Variants in TAB2 observed in about 807,000 individuals in gnomAD.
The protein encoded by TAB2 is TGF-beta-activated kinase 1 and MAP3K7-binding protein 2.
A neutral mutation model predicts 65.0 loss-of-function variants in TAB2; 3 were observed. The observed-to-expected ratio is 0.05, with a 90% CI of 0.02 to 0.12. TAB2 has a LOEUF of 0.12. Ranked by LOEUF, TAB2 falls within the 10% of genes least tolerant of loss-of-function variation. The probability of loss-of-function intolerance (pLI) is 1.00; values close to 1 mark genes in which losing one functional copy is unlikely to be tolerated. For missense variants in TAB2, 623 were observed against 840.3 expected, an observed-to-expected ratio of 0.74 and a Z score of 3.20; for synonymous variants, 298 against 285.1, an observed-to-expected ratio of 1.05 and a Z score of -0.46.
At chr6:149,282,127 C>T (rs999362793) in intron 1 of TAB2, among the ~76,000 whole-genome samples, 4 of 151,704 alleles carry the variant, frequency 2.6e-5, no homozygotes, top group Non-Finnish European at 4.4e-5. Flanking sequence ...GATTGCACCA[C>T]TGCACTCCAG....
At chr6:149,241,538 G>T (rs958878613) in intron 1 of TAB2, among the ~76,000 whole-genome samples, 1 of 152,146 alleles carries the variant, frequency 6.6e-6, no homozygotes, top group Non-Finnish European at 1.5e-5. Flanking sequence ...CTTCTTTAAA[G>T]TCTGCTTGCA....
chr6:149,342,553 T>C (rs1446765451), intron 1 of TAB2: 1 of 152,174 alleles, frequency 6.6e-6, no homozygotes, highest in Non-Finnish European at 1.5e-5. Context: ...AGAGACCCAT[T>C]TTCCCTTCAG....
chr6:149,293,947 A>C (rs1163219449), intron 1 of TAB2, among the ~76,000 whole-genome samples: 7 of 152,156 alleles, frequency 4.6e-5, no homozygotes, highest in African/African-American at 1.7e-4. Flanking sequence ...AGTATCAAAC[A>C]CTCAGTAGCA....
intron 1 of TAB2, among the ~76,000 whole-genome samples, chr6:149,343,462 A>T (rs1780193630): frequency 2.7e-5 from 4 of 148,196 alleles, no homozygotes; most frequent in Admixed American, 2.1e-4. Context: ...ACAGAGTGAG[A>T]CTCCGTCTCA....
At chr6:149,308,123 T>C (rs1283409296) in intron 1 of TAB2, among the ~76,000 whole-genome samples, 2 of 152,252 alleles carry the variant, frequency 1.3e-5, no homozygotes, top group African/African-American at 2.4e-5. Context: ...CTTAGTAAGA[T>C]GTATTACGGT....
At chr6:149,334,029 C>G (rs1325023948) in intron 1 of TAB2, among the ~76,000 whole-genome samples, 1 of 152,092 alleles carries the variant, frequency 6.6e-6, no homozygotes, top group Non-Finnish European at 1.5e-5. Context: ...GTCATTTGAC[C>G]TAGTGCCTAG....
At chr6:149,353,244 T>C (rs953216615) in intron 1 of TAB2, among the ~76,000 whole-genome samples, 3 of 152,060 alleles carry the variant, frequency 2.0e-5, no homozygotes, top group African/African-American at 7.2e-5. Flanking sequence ...CTGCTGCTGC[T>C]GCTGGATTGC....
At chr6:149,219,681 C>G (rs1194061253) in intron 1 of TAB2, among the ~76,000 whole-genome samples, 1 of 152,148 alleles carries the variant, frequency 6.6e-6, no homozygotes, top group Non-Finnish European at 1.5e-5. Flanking sequence ...ACCCGCTGCA[C>G]CTTATGCATT....
At chr6:149,392,174 T>C (rs1204782083) in intron 3 of TAB2, among the ~76,000 whole-genome samples, 1 of 151,644 alleles carries the variant, frequency 6.6e-6, no homozygotes, top group African/African-American at 2.4e-5. Flanking sequence ...AGAGTCTCAC[T>C]TTGTCGCCCA....
upstream of TAB2, chr6:149,218,222 A>T (rs1777062880): frequency 6.6e-6 from 1 of 152,246 alleles, no homozygotes; most frequent in Non-Finnish European, 1.5e-5. Context: ...CTTGTTTGAC[A>T]CTACCTAAAA....
chr6:149,377,777 A>G (rs1781453011), intron 2 of TAB2, among the ~76,000 whole-genome samples: 1 of 151,890 alleles, frequency 6.6e-6, no homozygotes, highest in South Asian at 2.1e-4. Context: ...TATCCATTGT[A>G]GCTGCTAAAG....
chr6:149,276,545 T>C lies in TAB2; in HGVS notation c.-121+57769T>C, dbSNP rs1027277380. ...TTCTTAGGGGTCAATAAATCAATTA[T>C]ATATTTTTAAAAATCCTACCTTCAG... is the stretch of plus-strand genomic sequence containing the variant. On this transcript the variant is annotated intron_variant, in intron 1 of 1. Coordinates refer to the TAB2 transcript ENST00000606202. Among the ~76,000 whole-genome samples the C allele has an allele frequency of 3.3e-5, 5 of 152,334 alleles. No individual in the cohort carries two copies. In the East Asian group the frequency reaches 5.8e-4, roughly 18 times the overall value.
At chr6:149,408,781 T>A (rs1307019488) in intron 6 of TAB2, among the ~76,000 whole-genome samples, 1 of 152,192 alleles carries the variant, frequency 6.6e-6, no homozygotes, top group Non-Finnish European at 1.5e-5. Context: ...TTCTCTGTAT[T>A]TAAGATACCA....
At chr6:149,335,171 C>T (rs904965740) in intron 1 of TAB2, among the ~76,000 whole-genome samples, 1 of 151,988 alleles carries the variant, frequency 6.6e-6, no homozygotes, top group Non-Finnish European at 1.5e-5. Context: ...CCCACATTCT[C>T]ATTATCCTCT....
chr6:149,271,223 T>TA (rs1283789707), intron 1 of TAB2, among the ~76,000 whole-genome samples: 3 of 151,064 alleles, frequency 2.0e-5, no homozygotes, highest in Non-Finnish European at 4.4e-5. Context: ...AATATATATA[T>TA]TTTTTAAAAA....
rs575202385 is a variant in TAB2, at chr6:149,406,532, C to CA, written c.1940-3044dup. Among the ~76,000 whole-genome samples the CA allele has an allele frequency of 1.8e-4, 27 of 152,272 alleles. No homozygotes were observed. The South Asian group carries it at 5.4e-3, about 30-fold the overall frequency. On this transcript the variant is annotated intron_variant, in intron 6 of 6. Coordinates refer to ENST00000637181, the MANE Select transcript of TAB2 (RefSeq NM_001292034.3). The stretch of plus-strand genomic sequence containing the variant: ...GACAAGTGGCTGGCAAACAGTGACC[C>CA]ATGGACCAAATCCAGCCTGCCGTCT...
At chr6:149,391,479 C>T (rs1036332284) in intron 3 of TAB2, among the ~76,000 whole-genome samples, 6 of 151,796 alleles carry the variant, frequency 4.0e-5, no homozygotes, top group African/African-American at 4.8e-5. Context: ...ATATCCTGAA[C>T]GAGCTTTCTA....
At chr6:149,386,512 T>A (rs1347030388) in intron 3 of TAB2, among the ~76,000 whole-genome samples, 1 of 152,190 alleles carries the variant, frequency 6.6e-6, no homozygotes, top group Non-Finnish European at 1.5e-5. Context: ...TCGATAAATT[T>A]ACATATTCTG....
intron 1 of TAB2, among the ~76,000 whole-genome samples, chr6:149,282,057 T>G (rs1362330016): frequency 6.6e-6 from 1 of 152,092 alleles, no homozygotes; most frequent in Non-Finnish European, 1.5e-5. Context: ...TCCCAGCTAC[T>G]CGGGAGGCTG....
Sources: allele counts gnomAD v4.1 joint callset (sites outside exome capture counted in the v4.1 genomes callset), GRCh38; gene constraint gnomAD v4.1.1; transcripts MANE v1.5; gene names NCBI Gene and HGNC (gene_info 2026-07-23, HGNC 2026-07-21).